RBFOX1: variants seen among roughly 807,000 people sequenced by gnomAD.
RBFOX1 encodes the protein RNA binding fox-1 homolog 1, also known as RNA binding protein fox-1 homolog 1.
In RBFOX1, 8 loss-of-function variants were observed where a neutral mutation model predicts 57.7. That is an observed-to-expected ratio of 0.14 (90% CI 0.08 to 0.25). The LOEUF (loss-of-function observed/expected upper bound fraction) is 0.25. Ranked by LOEUF, RBFOX1 falls within the 10% of genes least tolerant of loss-of-function variation. The pLI, the probability that RBFOX1 is intolerant of heterozygous loss-of-function variation, is 1.00. For synonymous variants in RBFOX1, 326 were observed against 222.4 expected (o/e 1.47, Z -4.15); for missense variants, 611 against 548.5 (o/e 1.11, Z -1.14).
intron 4 of RBFOX1, among the ~76,000 whole-genome samples, chr16:7,061,765 A>G (rs1002739880): frequency 7.2e-5 from 11 of 152,192 alleles, no homozygotes; most frequent in African/African-American, 1.9e-4. Context: ...TTAATTTGTC[A>G]TAGCTACTCT....
chr16:7,189,286 C>T (rs953886138), intron 4 of RBFOX1, among the ~76,000 whole-genome samples: 2 of 151,720 alleles, frequency 1.3e-5, no homozygotes, highest in South Asian at 2.1e-4. Flanking sequence ...ATTAGCCGGG[C>T]GTGGTGGCGG....
intron 11 of RBFOX1, among the ~76,000 whole-genome samples, chr16:7,631,346 TCA>T (rs929355005): frequency 6.6e-6 from 1 of 152,124 alleles, no homozygotes; most frequent in Non-Finnish European, 1.5e-5. Flanking sequence ...AGGAAGTAGA[TCA>T]CAACATTGAC....
At chr16:7,710,397 C>G in intron 15 of RBFOX1, 1 of 1,384,806 alleles carries the variant, frequency 7.2e-7, no homozygotes, top group Non-Finnish European at 9.3e-7. Context: ...GCTAAGAGGA[C>G]TGGCTGACAG....
chr16:7,647,920 CTCTT>C (rs1177735831), intron 11 of RBFOX1, among the ~76,000 whole-genome samples: 4 of 152,298 alleles, frequency 2.6e-5, no homozygotes, highest in South Asian at 2.1e-4. Flanking sequence ...GTAAGAGGTT[CTCTT>C]TCTATGTGGT....
At position 5,646,821 on chromosome 16, in the gene RBFOX1, G is replaced by T. The variant is rs564321025; in HGVS notation, c.318+47860G>T. On this transcript the variant is annotated intron_variant, in intron 3 of 19. Transcript: ENST00000641259. ...GGCTAATTTTTATATTTTTAGTAGA[G>T]ACAGGGTTTCACTGTGTTAGCCAGG... Among the ~76,000 whole-genome samples the T allele has an allele frequency of 2.4e-3, 363 of 152,016 alleles. 1 individual carries two copies. Among genetic ancestry groups the T allele is most frequent in the Non-Finnish European group, 3.7e-3 (250 of 67,990 alleles).
At chr16:7,188,828 C>T (rs539688831) in intron 4 of RBFOX1, among the ~76,000 whole-genome samples, 1 of 152,048 alleles carries the variant, frequency 6.6e-6, no homozygotes, top group East Asian at 1.9e-4. Flanking sequence ...ATTGAGTTGG[C>T]TGTTAAAAAT....
chr16:6,836,213 T>C (rs2093084307), intron 3 of RBFOX1, among the ~76,000 whole-genome samples: 1 of 152,240 alleles, frequency 6.6e-6, no homozygotes, highest in Non-Finnish European at 1.5e-5. Flanking sequence ...TCTCATCGTT[T>C]CTTGAAAAAG....
intron 4 of RBFOX1, among the ~76,000 whole-genome samples, chr16:7,110,929 C>T (rs1215195689): frequency 6.6e-6 from 1 of 152,140 alleles, no homozygotes; most frequent in East Asian, 1.9e-4. Flanking sequence ...AGTAAAAGGA[C>T]ACCAGGGCAT....
chr16:6,087,955 C>T (rs1459188466), intron 1 of RBFOX1, among the ~76,000 whole-genome samples: 2 of 152,142 alleles, frequency 1.3e-5, no homozygotes. Context: ...CCAGCCTTAT[C>T]TTATTTCTTG....
intron 2 of RBFOX1, among the ~76,000 whole-genome samples, chr16:6,630,794 C>G (rs747850279): frequency 6.6e-6 from 1 of 152,030 alleles, no homozygotes; most frequent in Non-Finnish European, 1.5e-5. Flanking sequence ...CTATGTTACC[C>G]GACCTGCTCG....
At chr16:5,811,244 C>T (rs570442551) in intron 3 of RBFOX1, among the ~76,000 whole-genome samples, 1 of 140,404 alleles carries the variant, frequency 7.1e-6, no homozygotes, top group South Asian at 2.2e-4. Context: ...CCAGGTTCTT[C>T]CACCTCAGCC....
chr16:7,564,502 C>T (rs12448293), intron 5 of RBFOX1, among the ~76,000 whole-genome samples: 1 of 138,112 alleles, frequency 7.2e-6, no homozygotes, highest in African/African-American at 2.7e-5. Flanking sequence ...GATTGCACCT[C>T]TGCACTCCAG....
chr16:6,594,147 G>A (rs754916152), intron 2 of RBFOX1, among the ~76,000 whole-genome samples: 1 of 152,184 alleles, frequency 6.6e-6, no homozygotes, highest in Non-Finnish European at 1.5e-5. Context: ...CAGGAGCTTA[G>A]CAAGAATATA....
chr16:7,296,195 A>C (rs1050043143), intron 4 of RBFOX1, among the ~76,000 whole-genome samples: 9 of 151,748 alleles, frequency 5.9e-5, no homozygotes, highest in African/African-American at 1.9e-4. Flanking sequence ...ATTTAGTGAA[A>C]ATTTTAATAG....
chr16:7,296,331 TGTATGTGA>T (rs2095889072), intron 4 of RBFOX1, among the ~76,000 whole-genome samples: 1 of 150,462 alleles, frequency 6.6e-6, no homozygotes, highest in Admixed American at 6.7e-5. Context: ...CAGTAGACAG[TGTATGTGA>T]GTTTATGTGT....
At chr16:7,207,488 C>A (rs1243922379) in intron 4 of RBFOX1, among the ~76,000 whole-genome samples, 1 of 152,066 alleles carries the variant, frequency 6.6e-6, no homozygotes, top group Non-Finnish European at 1.5e-5. Context: ...CCGGACTGGC[C>A]CCTAGCACAG....
chr16:6,485,280 A>G (rs552549277), intron 2 of RBFOX1, among the ~76,000 whole-genome samples: 1 of 152,300 alleles, frequency 6.6e-6, no homozygotes, highest in South Asian at 2.1e-4. Context: ...GAGGTTATGA[A>G]GAGGGAATTG....
intron 2 of RBFOX1, among the ~76,000 whole-genome samples, chr16:6,433,271 A>C (rs2153009618): frequency 6.6e-6 from 1 of 152,360 alleles, no homozygotes; most frequent in East Asian, 1.9e-4. Context: ...GTCAGAAATG[A>C]GAAGCAGAGA....
intron 2 of RBFOX1, among the ~76,000 whole-genome samples, chr16:6,420,507 G>T (rs2093742593): frequency 6.6e-6 from 1 of 152,204 alleles, no homozygotes; most frequent in Non-Finnish European, 1.5e-5. Flanking sequence ...TGTTAAGCCA[G>T]ATATTTTTCT....
Sources: gnomAD v4.1 joint callset for allele counts (sites outside exome capture counted in the v4.1 genomes callset) on GRCh38, gnomAD v4.1.1 for gene constraint, MANE v1.5 for transcripts, NCBI Gene and HGNC (gene_info 2026-07-23, HGNC 2026-07-21) for gene names.